The following PRDM8 variants were observed in gnomAD, a reference collection of about 807,000 sequenced individuals.
PRDM8 encodes the protein PR domain zinc finger protein 8.
Under a neutral mutation model 46.5 loss-of-function variants are expected in PRDM8, and 13 were observed. The ratio of observed to expected loss-of-function variants is 0.28; its 90% CI spans 0.18 to 0.44. The LOEUF (loss-of-function observed/expected upper bound fraction) is 0.44, where lower values mean the gene tolerates loss of function less well. PRDM8 is among the 20% of genes least tolerant of loss of function. The probability of loss-of-function intolerance (pLI) is 1.00; values close to 1 mark genes in which losing one functional copy is unlikely to be tolerated. For synonymous variants in PRDM8, 473 were observed against 438.4 expected, an observed-to-expected ratio of 1.08 and a Z score of -0.98; for missense variants, 998 against 955.0, an observed-to-expected ratio of 1.04 and a Z score of -0.59.
At chr4:80,189,047 G>C (rs1052087151) in intron 1 of PRDM8, among the ~76,000 whole-genome samples, 1 of 152,114 alleles carries the variant, frequency 6.6e-6, no homozygotes, top group Non-Finnish European at 1.5e-5. Flanking sequence ...CCATCCACCC[G>C]GTCCGCATCT....
Position 80,202,699 on chromosome 4 carries a change from G to A in PRDM8, c.1237G>A (p.Asp413Asn). The change falls in exon 4 of 4, where the codon GAC becomes AAC. Residue 413 changes from aspartate (D) to asparagine (N), a missense_variant. Coordinates refer to ENST00000415738, the MANE Select transcript of PRDM8 (RefSeq NM_001099403.2). Reference protein sequence around the residue: ...TADGAGVASEDQDAGGGGGSS... With the variant: ...TADGAGVASENQDAGGGGGSS... ...CGACGGCGCGGGAGTCGCCTCCGAGGACCAGGACGCTGGCGGCGGCGGCGG... is the reference window on the plus strand; with the variant it reads ...CGACGGCGCGGGAGTCGCCTCCGAGAACCAGGACGCTGGCGGCGGCGGCGG... The A allele has an allele frequency of 7.5e-7, 1 of 1,334,294 alleles. No homozygotes were observed. Among genetic ancestry groups the A allele is most frequent in the Non-Finnish European group, 9.5e-7 (1 of 1,048,364 alleles). 82.7% of individuals were successfully genotyped at this position (1,334,294 alleles called of 1,614,324 possible).
Position 80,202,899 on chromosome 4 carries a change from C to T in PRDM8, c.1437C>T (p.Gly479=), listed in dbSNP as rs904515362. The change falls in exon 4 of 4, where the codon GGC becomes GGT. Residue 479 remains glycine (G), a synonymous_variant. Transcript: ENST00000415738. ...AGSTSGGGGT[G]AGAAGGAGGG... Reference sequence around the variant, plus strand: ...GCACCAGCGGTGGGGGCGGAACGGGCGCCGGGGCCGCAGGCGGCGCGGGCG... The same window carrying T: ...GCACCAGCGGTGGGGGCGGAACGGGTGCCGGGGCCGCAGGCGGCGCGGGCG... 1.4e-5 allele frequency: 19 copies of T among 1,328,950 alleles called. No homozygotes were observed. Among genetic ancestry groups the T allele is most frequent in the South Asian group, 2.1e-5 (1 of 47,628 alleles). 82.3% of individuals were successfully genotyped at this position (1,328,950 alleles called of 1,614,324 possible).
chr4:80,200,319 G>A lies in PRDM8; in HGVS notation c.219+20G>A. On this transcript the variant is annotated intron_variant, in intron 2 of 3. Transcript: ENST00000415738. ...TTTCGGGTAAGTCTCCACTGTAGCTGTGTAGGTGTATGAGGGTAATGTCCT... is the reference window on the plus strand; with the variant it reads ...TTTCGGGTAAGTCTCCACTGTAGCTATGTAGGTGTATGAGGGTAATGTCCT... The A allele has an allele frequency of 6.3e-7, 1 of 1,576,688 alleles. No homozygotes were observed. The highest frequency in any genetic ancestry group is 8.7e-7 in the Non-Finnish European group (1 of 1,146,588).
upstream of PRDM8, chr4:80,194,006 T>C (rs1288326661): frequency 6.5e-6 from 1 of 152,736 alleles, no homozygotes; most frequent in African/African-American, 2.4e-5. Flanking sequence ...AGTTGAAATA[T>C]TTTGGGCTCC....
chr4:80,185,719 T>G (rs1442769177), intron 1 of PRDM8, among the ~76,000 whole-genome samples: 1 of 152,226 alleles, frequency 6.6e-6, no homozygotes, highest in African/African-American at 2.4e-5. Context: ...AGTTCAGAGT[T>G]TGATCCCTTG....
In PRDM8 at chr4:80,201,323, G is replaced by A; in HGVS notation, c.253G>A (p.Gly85Ser). Residue 85 changes from glycine to serine, a missense_variant, in exon 3 of 4, where the codon GGT (glycine) becomes AGT (serine). By Grantham distance (56) the Gly-to-Ser change is moderately conservative (BLOSUM62 0). Transcript: ENST00000415738. ...CTCAGCAGCAAATGGTTCCTCAGAA[G>A]GTCTCATGTGGCTGCGGTTGGTCCA... ...DTSAANGSSE[G>S]LMWLRLVQSA... The A allele has an allele frequency of 1.2e-6, 2 of 1,614,232 alleles. No homozygotes were observed. Among genetic ancestry groups the A allele is most frequent in the Non-Finnish European group, 1.7e-6 (2 of 1,180,042 alleles).
intron 3 of PRDM8, 71 bp from the exon 4 acceptor site, chr4:80,201,843 G>A: frequency 6.3e-7 from 1 of 1,597,914 alleles, no homozygotes; most frequent in South Asian, 1.1e-5. Flanking sequence ...GCGATGCTGA[G>A]TAATCATGTG....
chr4:80,197,724 G>A lies in PRDM8; in HGVS notation c.-42G>A. On this transcript the variant is annotated 5_prime_UTR_variant, in exon 1 of 4. The change creates a new upstream start codon in the 5' untranslated region. Transcript: ENST00000415738. ...CTCGATTGCATCTTCCCGGTTCCAG[G>A]TGGCCTTATTTGGGAGATTCTATAC... The A allele has an allele frequency of 1.0e-6, 1 of 982,992 alleles. No homozygotes were observed. Among genetic ancestry groups the A allele is most frequent in the Non-Finnish European group, 1.2e-6 (1 of 827,332 alleles). The allele number at this position is 982,992 out of a possible 1,614,324, so 60.9% of individuals were successfully genotyped here.
In PRDM8 at chr4:80,202,416, G is replaced by C. The variant is rs1379390416; in HGVS notation, c.954G>C (p.Glu318Asp). The change falls in exon 4 of 4, where the codon GAG becomes GAC. Residue 318 changes from glutamate (E) to aspartate (D), a missense_variant. Physicochemically the swap from Glu to Asp is conservative, Grantham distance 45. Coordinates refer to ENST00000415738, the MANE Select transcript of PRDM8 (RefSeq NM_001099403.2). ...GGGKGKRKFP[E>D]EAAEGGGGAG... ...GCAAAGGAAAGAGGAAATTCCCGGA[G>C]GAGGCGGCGGAGGGCGGCGGTGGCG... 1.3e-6 allele frequency: 2 copies of C among 1,553,634 alleles called. No individual in the cohort carries two copies. Among genetic ancestry groups the C allele is most frequent in the East Asian group, 4.8e-5 (2 of 41,332 alleles).
At chr4:80,188,361 T>C (rs1312648688) in intron 1 of PRDM8, among the ~76,000 whole-genome samples, 2 of 152,208 alleles carry the variant, frequency 1.3e-5, no homozygotes, top group East Asian at 1.9e-4. Flanking sequence ...TGTTAAATAT[T>C]ATAATATCCC....
At chr4:80,196,442 T>TA (rs1047401705), upstream of PRDM8, 32 of 985,340 alleles carry the variant, frequency 3.2e-5, no homozygotes, top group Non-Finnish European at 3.6e-5. Context: ...TGCAGGCTGT[T>TA]AAAGACCTCA....
upstream of PRDM8, among the ~76,000 whole-genome samples, chr4:80,193,787 G>A (rs909998270): frequency 3.3e-5 from 5 of 151,740 alleles, no homozygotes; most frequent in Non-Finnish European, 7.3e-5. Flanking sequence ...TCCAGTGTGT[G>A]GGTTTTTTCC....
At chr4:80,190,248 AGTG>A (rs1737440260) in intron 1 of PRDM8, 1 of 152,242 alleles carries the variant, frequency 6.6e-6, no homozygotes, top group Non-Finnish European at 1.5e-5. Flanking sequence ...CCGCAGGTTA[AGTG>A]GTCACCTAGC....
chr4:80,196,361 A>T (rs1578253111), upstream of PRDM8: 52 of 985,464 alleles, frequency 5.3e-5, no homozygotes, highest in Non-Finnish European at 6.0e-5. Flanking sequence ...GGAGTAGAGA[A>T]TTGAACTGTG....
rs752636419 is a variant in PRDM8, at chr4:80,202,327, A to AGCG, written c.880_882dup (p.Gly294dup). On this transcript the variant is annotated inframe_insertion, in exon 4 of 4. Transcript: ENST00000415738. Reference sequence around the variant, plus strand: ...CCAGAGCCTCAGCAGCGGTAGCGGCAGCGGCGGCGGCGGCGGCCACCAGGA... The same window carrying AGCG: ...CCAGAGCCTCAGCAGCGGTAGCGGCAGCGGCGGCGGCGGCGGCGGCCACCAGGA... 39 of 1,584,734 alleles carry AGCG rather than the reference A, an allele frequency of 2.5e-5. No individual in the cohort carries two copies. Among genetic ancestry groups the AGCG allele is most frequent in the African/African-American group, 7.1e-5 (5 of 70,632 alleles).
At position 80,202,868 on chromosome 4, in the gene PRDM8, C is replaced by T; in HGVS notation, c.1406C>T (p.Ala469Val). The change falls in exon 4 of 4, where the codon GCG becomes GTG. Residue 469 changes from alanine (A) to valine (V), a missense_variant. By Grantham distance (64) the Ala-to-Val change is moderately conservative. Transcript: ENST00000415738. ...AFTSVPQLGS[A>V]GSTSGGGGTG... ...ACTTCGGTGCCGCAGCTGGGCAGCG[C>T]GGGCAGCACCAGCGGTGGGGGCGGA... 8.0e-7 allele frequency: 1 copy of T among 1,252,348 alleles called. No individual in the cohort carries two copies. The highest frequency in any genetic ancestry group is 3.3e-5 in the East Asian group (1 of 30,002). 77.6% of individuals were successfully genotyped at this position (1,252,348 alleles called of 1,614,324 possible).
chr4:80,195,706 C>A (rs1477332283), upstream of PRDM8, among the ~76,000 whole-genome samples: 2 of 152,060 alleles, frequency 1.3e-5, no homozygotes, highest in African/African-American at 4.8e-5. Flanking sequence ...GATAAAATTG[C>A]ACATAGCCAA....
chr4:80,198,142 G>C (rs904748336), intron 1 of PRDM8, among the ~76,000 whole-genome samples: 2 of 152,248 alleles, frequency 1.3e-5, no homozygotes, highest in Admixed American at 6.5e-5. Context: ...GACCGCACGC[G>C]GGCGGGCGCT....
Position 80,201,437 on chromosome 4 carries a change from G to C in PRDM8, c.367G>C (p.Asp123His). 1 of 1,614,248 alleles carries C rather than the reference G, an allele frequency of 6.2e-7. No homozygotes were observed. The change falls in exon 3 of 4, where the codon GAC (aspartate) becomes CAC (histidine). Residue 123 changes from aspartate to histidine, a missense_variant. Transcript: ENST00000415738. Reference protein sequence around the residue: ...FYRSLRRIAKDEELLVWYGKE... With the variant: ...FYRSLRRIAKHEELLVWYGKE... ...CCGCTCTCTCCGCAGGATTGCCAAA[G>C]ACGAGGAGTTACTAGTTTGGTACGG...
Sources: gnomAD v4.1 joint callset for allele counts (sites outside exome capture counted in the v4.1 genomes callset) on GRCh38, gnomAD v4.1.1 for gene constraint, MANE v1.5 for transcripts, NCBI Gene and HGNC (gene_info 2026-07-23, HGNC 2026-07-21) for gene names.